RNF220: variants seen among roughly 807,000 people sequenced by gnomAD.
The protein encoded by RNF220 is ring finger protein 220, also known as E3 ubiquitin-protein ligase RNF220.
RNF220 carries 7 observed loss-of-function variants against 67.1 expected under a neutral mutation model. The ratio of observed to expected loss-of-function variants is 0.10; its 90% CI spans 0.06 to 0.20. The LOEUF is 0.20. Ranked by LOEUF, RNF220 falls within the 10% of genes least tolerant of loss-of-function variation. The probability of loss-of-function intolerance (pLI) is 1.00; values close to 1 mark genes in which losing one functional copy is unlikely to be tolerated. For synonymous variants in RNF220, 270 were observed against 283.2 expected (o/e 0.95, Z 0.47); for missense variants, 565 against 740.3 (o/e 0.76, Z 2.75).
Position 44,412,190 on chromosome 1 carries a change from G to A in RNF220, c.93G>A (p.Thr31=), listed in dbSNP as rs752344047. The change falls in exon 2 of 15, where the codon ACG becomes ACA. Residue 31 remains threonine (T), a synonymous_variant. Coordinates refer to ENST00000361799, the MANE Select transcript of RNF220 (RefSeq NM_018150.4). This position sits in a 1 kb window ranked among gnomAD's most constrained non-coding sequence, Gnocchi z 5.3. The stretch of plus-strand genomic sequence containing the variant: ...CAGCACTGATGGTCCTGGCATCCAC[G>A]GCTGAGGCCAGCCGTGATGCTTCCA... ...ASPALMVLAS[T]AEASRDASIP... is the part of the protein sequence containing the mutation. 4.0e-5 allele frequency: 64 copies of A among 1,614,146 alleles called. No homozygotes were observed. In the East Asian group the frequency reaches 7.4e-4, roughly 19 times the overall value.
chr1:44,469,996 C>T (rs932079976), intron 2 of RNF220, among the ~76,000 whole-genome samples: 1 of 147,810 alleles, frequency 6.8e-6, no homozygotes, highest in African/African-American at 2.5e-5. Flanking sequence ...GTAAAGGACA[C>T]ACATCCTGAT....
chr1:44,436,446 A>C (rs1650982893), intron 2 of RNF220, among the ~76,000 whole-genome samples: 1 of 152,152 alleles, frequency 6.6e-6, no homozygotes, highest in South Asian at 2.1e-4. Flanking sequence ...AAAAAGAAAG[A>C]GGAAAAGGCC....
chr1:44,410,756 G>A (rs1340154013), intron 1 of RNF220: 4 of 152,210 alleles, frequency 2.6e-5, no homozygotes, highest in African/African-American at 9.6e-5. Flanking sequence ...GGTATAATTT[G>A]TAGCAGACGG....
intron 2 of RNF220, among the ~76,000 whole-genome samples, chr1:44,425,104 T>C (rs1424860292): frequency 2.0e-5 from 3 of 152,178 alleles, no homozygotes; most frequent in Non-Finnish European, 2.9e-5. Flanking sequence ...GCTTTAACCC[T>C]TCCAGGGGGC....
At chr1:44,474,073 A>T (rs1201672940) in intron 2 of RNF220, among the ~76,000 whole-genome samples, 2 of 151,928 alleles carry the variant, frequency 1.3e-5, no homozygotes, top group Non-Finnish European at 2.9e-5. Context: ...AAGAAAAAAA[A>T]TAAAAAAATA....
chr1:44,432,038 C>A (rs1650433500), intron 2 of RNF220, among the ~76,000 whole-genome samples: 1 of 152,218 alleles, frequency 6.6e-6, no homozygotes, highest in Non-Finnish European at 1.5e-5. Context: ...CCAACTACTT[C>A]ATCCTTCTTG....
intron 2 of RNF220, among the ~76,000 whole-genome samples, chr1:44,509,884 CCAAAAAAA>C (rs1347299969): frequency 1.2e-4 from 10 of 80,404 alleles, no homozygotes; most frequent in East Asian, 3.5e-4. Context: ...GAGACCCTGT[CCAAAAAAA>C]AAAAAAAAAA....
intron 1 of RNF220, chr1:44,409,052 T>C (rs1647699841): frequency 6.6e-6 from 1 of 152,246 alleles, no homozygotes; most frequent in South Asian, 2.1e-4. Context: ...CCTCAGACAT[T>C]TTCACGTTCC....
At chr1:44,546,706 C>T (rs1255471960) in intron 2 of RNF220, among the ~76,000 whole-genome samples, 8 of 152,116 alleles carry the variant, frequency 5.3e-5, no homozygotes, top group Non-Finnish European at 7.4e-5. Flanking sequence ...AGTAAGACCT[C>T]GGGCATCACT....
chr1:44,610,344 C>T (rs1216515129), intron 2 of RNF220, among the ~76,000 whole-genome samples: 1 of 152,208 alleles, frequency 6.6e-6, no homozygotes, highest in Admixed American at 6.5e-5. Flanking sequence ...CGCCCGCACC[C>T]GCCATCCTCT....
At chr1:44,581,951 A>G (rs1316123008) in intron 2 of RNF220, among the ~76,000 whole-genome samples, 1 of 152,126 alleles carries the variant, frequency 6.6e-6, no homozygotes. Flanking sequence ...TGGCCAAGGG[A>G]AGCGCCCACC....
intron 2 of RNF220, among the ~76,000 whole-genome samples, chr1:44,455,241 C>T (rs887145053): frequency 6.6e-6 from 1 of 152,074 alleles, no homozygotes; most frequent in African/African-American, 2.4e-5. Flanking sequence ...TTCCCTTTAG[C>T]GAGGGCATAG....
At position 44,412,762 on chromosome 1, in the gene RNF220, G is replaced by A. The variant is rs764717553; in HGVS notation, c.625+40G>A. On this transcript the variant is annotated intron_variant, in intron 2 of 14. Transcript: ENST00000361799. This position sits in a 1 kb window ranked among gnomAD's most constrained non-coding sequence, Gnocchi z 5.3. ...TCCAGCCCTCCCTTACCCCCAGTAA[G>A]CCCTGCCTCACCGTGATGTTCAACA... The A allele has an allele frequency of 1.9e-6, 3 of 1,580,990 alleles. No homozygotes were observed. The highest frequency in any genetic ancestry group is 2.3e-5 in the South Asian group (2 of 85,584).
chr1:44,582,080 G>A (rs1665322558), intron 2 of RNF220, among the ~76,000 whole-genome samples: 1 of 152,198 alleles, frequency 6.6e-6, no homozygotes, highest in African/African-American at 2.4e-5. Context: ...CTGTTGGTTT[G>A]TTTGATGGGA....
chr1:44,501,738 T>C (rs1003321468), intron 2 of RNF220, among the ~76,000 whole-genome samples: 2 of 151,940 alleles, frequency 1.3e-5, no homozygotes, highest in African/African-American at 4.8e-5. Context: ...AGGGCTGACT[T>C]TGTGACAAGT....
At chr1:44,407,399 T>C (rs1014649632) in intron 1 of RNF220, among the ~76,000 whole-genome samples, 4 of 152,184 alleles carry the variant, frequency 2.6e-5, no homozygotes, top group African/African-American at 9.6e-5. Context: ...TCGCGGGCTC[T>C]TCCTGCAAAG....
At chr1:44,602,096 C>T (rs10890311) in intron 2 of RNF220, among the ~76,000 whole-genome samples, 34,910 of 151,714 alleles carry the variant, frequency 0.23, 4,463 homozygotes, top group East Asian at 0.55. Context: ...GAGGGAGTTC[C>T]GTCACGGGTT....
chr1:44,494,169 G>T (rs2148061093), intron 2 of RNF220, among the ~76,000 whole-genome samples: 1 of 141,196 alleles, frequency 7.1e-6, no homozygotes, highest in East Asian at 2.1e-4. Context: ...TCACACCATT[G>T]CACTCCAGCC....
chr1:44,635,546 T>C lies in RNF220; in HGVS notation c.951T>C (p.Ala317=), dbSNP rs749498607. ...VRANRQTRLN[A]RIGKMKRRKQ... is the part of the protein sequence containing the mutation. Reference sequence around the variant, plus strand: ...TTTGTTTTCGGTTTCCCCGTGCAGCTCGGATTGGGAAAATGAAACGGAGGA... The same window carrying C: ...TTTGTTTTCGGTTTCCCCGTGCAGCCCGGATTGGGAAAATGAAACGGAGGA... The change falls in exon 7 of 15, where the codon GCT becomes GCC. Residue 317 remains alanine, a splice_region_variant and synonymous_variant. Transcript: ENST00000361799. 6.2e-7 allele frequency: 1 copy of C among 1,613,976 alleles called. No individual in the cohort carries two copies. Among genetic ancestry groups the C allele is most frequent in the Non-Finnish European group, 8.5e-7 (1 of 1,179,928 alleles).
Sources: gnomAD v4.1 joint callset for allele counts (sites outside exome capture counted in the v4.1 genomes callset) on GRCh38, gnomAD v4.1.1 for gene constraint, Gnocchi (gnomAD v3.1) non-coding constraint, MANE v1.5 for transcripts, NCBI Gene and HGNC (gene_info 2026-07-23, HGNC 2026-07-21) for gene names.